The following ITGA4 variants were observed in gnomAD, a reference collection of about 807,000 sequenced individuals.
ITGA4 encodes integrin alpha-4.
In ITGA4, 63 loss-of-function variants were observed where a neutral mutation model predicts 133.6. The observed-to-expected ratio is 0.47, with a 90% CI of 0.38 to 0.58. ITGA4 has a LOEUF of 0.58. ITGA4 is among the 20% of genes least tolerant of loss of function. ITGA4 has a pLI of 0.00. For synonymous variants in ITGA4, 483 were observed against 438.0 expected (o/e 1.10, Z -1.28); for missense variants, 1,076 against 1,252.7 (o/e 0.86, Z 2.13).
At chr2:181,498,577 T>C (rs1400856419) in intron 14 of ITGA4, 46 bp from the exon 15 acceptor site, 1 of 1,187,662 alleles carries the variant, frequency 8.4e-7, no homozygotes, top group Admixed American at 1.9e-5. Flanking sequence ...TAACAATAGA[T>C]GTATTTCAGT....
At chr2:181,478,729 T>G (rs570853035) in intron 4 of ITGA4, 28 bp from the exon 5 acceptor site, 1 of 1,006,630 alleles carries the variant, frequency 9.9e-7, no homozygotes. Context: ...AAGATAAAAT[T>G]CTGAGTTGTT....
Position 181,467,420 on chromosome 2 carries a change from C to T in ITGA4, c.320-7540C>T, listed in dbSNP as rs1343074501. 2.0e-5 allele frequency among the ~76,000 whole-genome samples: 3 copies of T among 152,154 alleles called. No homozygotes were observed. In the East Asian group the frequency reaches 5.8e-4, roughly 29 times the overall value. ...CGATGACGCAGGTAGATAAAGCAGG[C>T]ATTTACTTGCATTAGAAAGTCCCAA... On this transcript the variant is annotated intron_variant, in intron 2 of 27. Coordinates refer to ENST00000397033, the MANE Select transcript of ITGA4 (RefSeq NM_000885.6).
At chr2:181,503,768 A>G (rs1405056679) in intron 15 of ITGA4, among the ~76,000 whole-genome samples, 1 of 151,996 alleles carries the variant, frequency 6.6e-6, no homozygotes, top group Non-Finnish European at 1.5e-5. Flanking sequence ...ATCGTCTTCT[A>G]TTAGACATTG....
intron 5 of ITGA4, chr2:181,479,540 T>C (rs972194723): frequency 3.9e-5 from 6 of 152,012 alleles, no homozygotes; most frequent in African/African-American, 1.4e-4. Flanking sequence ...TATAGAAATA[T>C]GCTAAAGATA....
At chr2:181,529,380 A>C (rs943916737) in intron 22 of ITGA4, among the ~76,000 whole-genome samples, 161 bp from the exon 23 acceptor site, 19 of 152,234 alleles carry the variant, frequency 1.2e-4, no homozygotes, top group African/African-American at 4.3e-4. Flanking sequence ...AATTCTGACT[A>C]TGGATATCCT....
intron 2 of ITGA4, among the ~76,000 whole-genome samples, chr2:181,461,499 G>A (rs1203318086): frequency 2.0e-5 from 3 of 151,624 alleles, no homozygotes; most frequent in East Asian, 1.9e-4. Flanking sequence ...CTTTCCACCC[G>A]GGCACTCTGC....
rs534532107 is a variant in ITGA4 at position 181,538,825 on chromosome 2, G to T, written c.*3298G>T. Among the ~76,000 whole-genome samples, 1 of 152,274 alleles carries T rather than the reference G, an allele frequency of 6.6e-6. No individual in the cohort carries two copies. Among genetic ancestry groups the T allele is most frequent in the Non-Finnish European group, 1.5e-5 (1 of 68,008 alleles). The stretch of plus-strand genomic sequence containing the variant: ...AAAATGGAAGTTGTAGACATTATCT[G>T]TAGTTTATGCACAACAATAAATTAG... On this transcript the variant is annotated 3_prime_UTR_variant, in exon 28 of 28. Coordinates refer to ENST00000397033, the MANE Select transcript of ITGA4 (RefSeq NM_000885.6).
Position 181,523,465 on chromosome 2 carries a change from C to G in ITGA4, c.2102C>G (p.Thr701Arg). The change falls in exon 19 of 28, where the codon ACA becomes AGA. Residue 701 changes from threonine to arginine, a missense_variant. Thr to Arg is a moderately conservative substitution (Grantham distance 71). Coordinates refer to ENST00000397033, the MANE Select transcript of ITGA4 (RefSeq NM_000885.6). This position sits in a 1 kb window ranked among gnomAD's most constrained non-coding sequence, Gnocchi z 4.2. ...GAGAAGCAAATAAACTGTGAAGTCA[C>G]AGATAACTCTGGCGTGGTACAACTT... ...LEEKQINCEV[T>R]DNSGVVQLDC... 6.2e-7 allele frequency: 1 copy of G among 1,609,000 alleles called. No individual in the cohort carries two copies. Among genetic ancestry groups the G allele is most frequent in the Non-Finnish European group, 8.5e-7 (1 of 1,175,606 alleles).
intron 21 of ITGA4, among the ~76,000 whole-genome samples, 166 bp from the exon 22 acceptor site, chr2:181,527,131 C>T (rs547363763): frequency 1.3e-5 from 2 of 151,866 alleles, no homozygotes; most frequent in Admixed American, 6.6e-5. Context: ...CCACTGCTCC[C>T]GGCCCTAATT....
intron 10 of ITGA4, among the ~76,000 whole-genome samples, chr2:181,487,349 G>T (rs1480864210): frequency 6.6e-6 from 1 of 152,066 alleles, no homozygotes; most frequent in Non-Finnish European, 1.5e-5. Context: ...AGCTGTAAGA[G>T]GGATCATGTC....
chr2:181,472,342 C>A (rs981918147), intron 2 of ITGA4, among the ~76,000 whole-genome samples: 1 of 152,086 alleles, frequency 6.6e-6, no homozygotes, highest in Non-Finnish European at 1.5e-5. Context: ...AAACTATTGT[C>A]TTTTTAATCT....
rs1187575953 is a variant in ITGA4, at chr2:181,525,252, C to A, written c.2300C>A (p.Ala767Glu). The A allele has an allele frequency of 1.2e-6, 2 of 1,606,736 alleles. No homozygotes were observed. Among genetic ancestry groups the A allele is most frequent in the African/African-American group, 1.3e-5 (1 of 74,862 alleles). ...CTAAAGCACAGCAGAGTGACTGTAGCAATACCTTTAAAATATGAGGTTAAG... is the reference window on the plus strand; with the variant it reads ...CTAAAGCACAGCAGAGTGACTGTAGAAATACCTTTAAAATATGAGGTTAAG... Reference protein sequence around the residue: ...DNLKHSRVTVAIPLKYEVKLT... With the variant: ...DNLKHSRVTVEIPLKYEVKLT... The change falls in exon 21 of 28, where the codon GCA (alanine) becomes GAA (glutamate). Residue 767 changes from alanine (A) to glutamate (E), a missense_variant. Physicochemically the swap from Ala to Glu is moderately radical, Grantham distance 107. Coordinates refer to ENST00000397033, the MANE Select transcript of ITGA4 (RefSeq NM_000885.6).
rs2105705421 is a variant in ITGA4 at position 181,457,578 on chromosome 2, C to T, written c.-77C>T. 2.7e-5 allele frequency: 36 copies of T among 1,357,000 alleles called. No homozygotes were observed. The South Asian group carries it at 4.6e-4, about 17-fold the overall frequency. The allele number at this position is 1,357,000 out of a possible 1,614,324, so 84.1% of individuals were successfully genotyped here. A position where few individuals can be genotyped will look rare whatever the true frequency, so the allele number is the denominator to read the frequency against. The stretch of plus-strand genomic sequence containing the variant: ...GCCTCATCTCTTGGGGCGTTCTTCC[C>T]CGTTGGCCAACCGTCGCATCCCGTG... On this transcript the variant is annotated 5_prime_UTR_variant, in exon 1 of 28. Transcript: ENST00000397033.
intron 15 of ITGA4, among the ~76,000 whole-genome samples, chr2:181,507,280 C>T (rs1209736189): frequency 1.3e-5 from 2 of 152,092 alleles, no homozygotes; most frequent in Non-Finnish European, 2.9e-5. Flanking sequence ...ATCATTTCTA[C>T]TTTTAATTTT....
intron 15 of ITGA4, 59 bp from the exon 16 acceptor site, chr2:181,509,599 A>G (rs1686463264): frequency 1.5e-6 from 2 of 1,365,024 alleles, no homozygotes; most frequent in African/African-American, 1.5e-5. Flanking sequence ...AAGGAGTTTT[A>G]TTTTTTTTTA....
intron 9 of ITGA4, among the ~76,000 whole-genome samples, chr2:181,484,955 T>C (rs1260434546): frequency 7.2e-5 from 11 of 152,186 alleles, no homozygotes; most frequent in Admixed American, 7.2e-4. Flanking sequence ...ACATGGCCTT[T>C]TTTTCTTTTT....
rs1019477714 is a variant in ITGA4 at position 181,536,515 on chromosome 2, A to G, written c.*988A>G. Among the ~76,000 whole-genome samples, 3 of 141,310 alleles carry G rather than the reference A, an allele frequency of 2.1e-5. No individual in the cohort carries two copies. Among genetic ancestry groups the G allele is most frequent in the Non-Finnish European group, 3.1e-5 (2 of 64,270 alleles). The allele number at this position is 141,310 out of a possible 152,430, so 92.7% of individuals were successfully genotyped here. On this transcript the variant is annotated 3_prime_UTR_variant, in exon 28 of 28. Coordinates refer to ENST00000397033, the MANE Select transcript of ITGA4 (RefSeq NM_000885.6). ...GTAAAATATTGACTATCACACAACT[A>G]TTTCCTTGGATGTAATTCTTTGTTA... is the stretch of plus-strand genomic sequence containing the variant.
chr2:181,462,218 A>T (rs1685298301), intron 2 of ITGA4, among the ~76,000 whole-genome samples: 1 of 152,062 alleles, frequency 6.6e-6, no homozygotes, highest in Non-Finnish European at 1.5e-5. Flanking sequence ...TCTTTTCTAG[A>T]CTAAGTGTTC....
Position 181,538,092 on chromosome 2 carries a change from C to T in ITGA4, c.*2565C>T. On this transcript the variant is annotated 3_prime_UTR_variant, in exon 28 of 28. Coordinates refer to ENST00000397033, the MANE Select transcript of ITGA4 (RefSeq NM_000885.6). ...AAATTGTCTTCCATGAAACTGGTCC[C>T]AAAAAGGGTGGGGACCACAGGTTTA... 1 of 869,652 alleles carries T rather than the reference C, an allele frequency of 1.1e-6. No homozygotes were observed. 53.9% of individuals were successfully genotyped at this position (869,652 alleles called of 1,614,324 possible).
Sources: allele counts gnomAD v4.1 joint callset (sites outside exome capture counted in the v4.1 genomes callset), GRCh38; gene constraint gnomAD v4.1.1; non-coding constraint Gnocchi (gnomAD v3.1); transcripts MANE v1.5; gene names NCBI Gene and HGNC (gene_info 2026-07-23, HGNC 2026-07-21).